The following DGKA variants were observed in gnomAD, a reference collection of about 807,000 sequenced individuals.
DGKA encodes the protein diacylglycerol kinase alpha.
In DGKA, 35 loss-of-function variants were observed where a neutral mutation model predicts 105.0. The observed-to-expected ratio is 0.33, with a 90% CI of 0.25 to 0.44. DGKA has a LOEUF of 0.44. Ranked by LOEUF, DGKA falls within the 20% of genes least tolerant of loss-of-function variation. The pLI, the probability that DGKA is intolerant of heterozygous loss-of-function variation, is 1.00. For synonymous variants in DGKA, 296 were observed against 332.0 expected (o/e 0.89, Z 1.18); for missense variants, 665 against 915.0 (o/e 0.73, Z 3.53).
At chr12:55,942,138 AACTC>A (rs1297032576) in intron 16 of DGKA, 32 bp from the exon 17 acceptor site, 2 of 1,613,878 alleles carry the variant, frequency 1.2e-6, no homozygotes, top group African/African-American at 2.7e-5. Context: ...TTGCAGAGCT[AACTC>A]ACTCCATCCT....
Position 55,939,501 on chromosome 12 carries a change from T to G in DGKA, c.681T>G (p.Gly227=). The change falls in exon 9 of 24, where the codon GGT becomes GGG. Residue 227 remains glycine (G), a synonymous_variant. Coordinates refer to ENST00000331886, the MANE Select transcript of DGKA (RefSeq NM_001345.5). ...GCAATCTGTGCGAGTCAAGCATTGG[T>G]CTTGGCAAACAGGGACTGAGCTGTA... ...VYCNLCESSI[G]LGKQGLSCNL... is the part of the protein sequence containing the mutation. The G allele has an allele frequency of 6.2e-7, 1 of 1,614,128 alleles. No homozygotes were observed. Among genetic ancestry groups the G allele is most frequent in the Non-Finnish European group, 8.5e-7 (1 of 1,180,024 alleles).
intron 1 of DGKA, chr12:55,935,420 A>T (rs1884429972): frequency 6.6e-6 from 1 of 152,196 alleles, no homozygotes; most frequent in Admixed American, 6.5e-5. Flanking sequence ...ATATGTTATT[A>T]TCATTACTGA....
upstream of DGKA, chr12:55,927,631 G>A (rs1449070754): frequency 3.4e-6 from 5 of 1,478,044 alleles, no homozygotes; most frequent in Non-Finnish European, 4.6e-6. Flanking sequence ...TGGGGAGGTC[G>A]AATTCGTGTG....
chr12:55,945,754 C>G (rs1169905934), intron 17 of DGKA, among the ~76,000 whole-genome samples: 1 of 152,034 alleles, frequency 6.6e-6, no homozygotes, highest in Admixed American at 6.6e-5. Context: ...ATTGGTACCA[C>G]CCAGATGATC....
intron 6 of DGKA, 130 bp from the exon 7 acceptor site, chr12:55,938,785 C>G: frequency 6.5e-7 from 1 of 1,540,508 alleles, no homozygotes; most frequent in Non-Finnish European, 8.8e-7. Flanking sequence ...CATTTATTTA[C>G]TTGGCAGACA....
intron 1 of DGKA, chr12:55,936,139 A>G: frequency 1.5e-6 from 1 of 669,438 alleles, no homozygotes. Flanking sequence ...TGGGAAGGTG[A>G]GGGTGGTCAG....
rs898917689 is a variant in DGKA at position 55,939,612 on chromosome 12, C to T, written c.709+83C>T. The T allele has an allele frequency of 4.3e-6, 6 of 1,386,948 alleles. No homozygotes were observed. The African/African-American group carries it at 7.1e-5, about 16-fold the overall frequency. 85.9% of individuals were successfully genotyped at this position (1,386,948 alleles called of 1,614,324 possible). On this transcript the variant is annotated intron_variant, in intron 9 of 23. Coordinates refer to ENST00000331886, the MANE Select transcript of DGKA (RefSeq NM_001345.5). ...CTTGATGCTGTAAACTTAGAAAAGA[C>T]CTAGGTTTGAATCCTGGGCTCTGCC...
At chr12:55,947,062 T>G (rs1014285782) in intron 17 of DGKA, among the ~76,000 whole-genome samples, 5 of 151,440 alleles carry the variant, frequency 3.3e-5, no homozygotes, top group African/African-American at 9.7e-5. Context: ...CTCGGCTCAT[T>G]GCAACCTCCA....
chr12:55,940,853 T>A lies in DGKA; in HGVS notation c.1018-44T>A. 1 of 1,605,820 alleles carries A rather than the reference T, an allele frequency of 6.2e-7. No homozygotes were observed. The highest frequency in any genetic ancestry group is 8.5e-7 in the Non-Finnish European group (1 of 1,172,842). ...TCAGACCCCTCTATTTAGGGATTCA[T>A]GCACAATACAGCTTTTCTTCCCTCT... On this transcript the variant is annotated intron_variant, in intron 12 of 23. Transcript: ENST00000331886. This position sits in a 1 kb window ranked among gnomAD's most constrained non-coding sequence, Gnocchi z 4.3.
In DGKA at chr12:55,953,732, C is replaced by T. The variant is rs772424828; in HGVS notation, c.2172C>T (p.Pro724=). The T allele has an allele frequency of 6.2e-7, 1 of 1,614,160 alleles. No individual in the cohort carries two copies. Among genetic ancestry groups the T allele is most frequent in the Admixed American group, 1.7e-5 (1 of 60,014 alleles). Residue 724 remains proline (P), a synonymous_variant, in exon 24 of 24, where the codon CCC becomes CCT. Transcript: ENST00000331886. ...KNQMPMLMGP[P]PRSTNFFGFL... The stretch of plus-strand genomic sequence containing the variant: ...AGATGCCCATGCTCATGGGCCCACC[C>T]CCCCGCTCCACCAATTTCTTTGGCT...
intron 1 of DGKA, among the ~76,000 whole-genome samples, chr12:55,934,622 G>A (rs1884290086): frequency 6.6e-6 from 1 of 152,342 alleles, no homozygotes; most frequent in South Asian, 2.1e-4. Context: ...AGCCCTAAAT[G>A]AGTGGGTGGA....
chr12:55,935,821 T>C (rs566444263), intron 1 of DGKA: 8 of 954,188 alleles, frequency 8.4e-6, no homozygotes, highest in Non-Finnish European at 8.7e-6. Flanking sequence ...CCAGAGCTGG[T>C]TCTGTGTCGC....
chr12:55,952,180 A>C lies in DGKA; in HGVS notation c.1652+81A>C. ...ACCAAGTTTGACTCAGATTGCTCAG[A>C]AGAACAGTGGCACCTCTAGGAGGTC... On this transcript the variant is annotated intron_variant, in intron 19 of 23. Transcript: ENST00000331886. This position sits in a 1 kb window ranked among gnomAD's most constrained non-coding sequence, Gnocchi z 5.1. 3 of 1,584,290 alleles carry C rather than the reference A, an allele frequency of 1.9e-6. No homozygotes were observed. The highest frequency in any genetic ancestry group is 1.7e-6 in the Non-Finnish European group (2 of 1,153,440).
Position 55,952,232 on chromosome 12 carries a change from C to T in DGKA, c.1653-109C>T. The T allele has an allele frequency of 3.4e-6, 5 of 1,492,004 alleles. No individual in the cohort carries two copies. The highest frequency in any genetic ancestry group is 1.1e-5 in the South Asian group (1 of 88,054). 92.4% of individuals were successfully genotyped at this position (1,492,004 alleles called of 1,614,324 possible). A position where few individuals can be genotyped will look rare whatever the true frequency, so the allele number is the denominator to read the frequency against. ...CCCCAACCAAAGCCACCCTTGTTCC[C>T]CATGGGACTAAAGTTAGGAGGTTGA... On this transcript the variant is annotated intron_variant, in intron 19 of 23. Transcript: ENST00000331886. The surrounding 1 kb of genome is among the most constrained non-coding windows in gnomAD (Gnocchi z 5.1).
intron 17 of DGKA, among the ~76,000 whole-genome samples, 172 bp from the exon 18 acceptor site, chr12:55,951,451 G>A (rs1239295909): frequency 2.0e-5 from 3 of 152,124 alleles, no homozygotes; most frequent in Non-Finnish European, 1.5e-5. Context: ...ACACAGCATG[G>A]AGGAAAGGTC....
Position 55,951,641 on chromosome 12 carries a change from T to C in DGKA, c.1445T>C (p.Leu482Pro). ...RWGGGYEGQNLAKILKDLEMS... is the reference protein window; with the variant it reads ...RWGGGYEGQNPAKILKDLEMS... ...CTCCTAGGTTATGAAGGACAGAATC[T>C]GGCAAAGATCCTCAAGGATTTAGAG... Residue 482 changes from leucine (L) to proline (P), a missense_variant, in exon 18 of 24, where the codon CTG becomes CCG. Physicochemically the swap from Leu to Pro is moderately conservative, Grantham distance 98 (BLOSUM62 -3). Transcript: ENST00000331886. 4 of 1,614,070 alleles carry C rather than the reference T, an allele frequency of 2.5e-6. No individual in the cohort carries two copies. The highest frequency in any genetic ancestry group is 3.4e-6 in the Non-Finnish European group (4 of 1,180,010).
chr12:55,951,897 G>T (rs547612917), intron 18 of DGKA, 114 bp downstream of exon 18: 7 of 1,509,140 alleles, frequency 4.6e-6, no homozygotes, highest in Middle Eastern at 3.8e-4. Context: ...AGGGAAATTG[G>T]GAGTGCAGTA....
At position 55,952,486 on chromosome 12, in the gene DGKA, T is replaced by G; in HGVS notation, c.1743+55T>G. 1 of 1,552,506 alleles carries G rather than the reference T, an allele frequency of 6.4e-7. No individual in the cohort carries two copies. The highest frequency in any genetic ancestry group is 8.9e-7 in the Non-Finnish European group (1 of 1,124,054). On this transcript the variant is annotated intron_variant, in intron 20 of 23. Transcript: ENST00000331886. The surrounding 1 kb of genome is among the most constrained non-coding windows in gnomAD (Gnocchi z 5.1). Reference sequence around the variant, plus strand: ...CTTTTCAGCTTCTTAATAGCCAAGTTTCTCCCTCCATGGCACCCTTAGGAA... The same window carrying G: ...CTTTTCAGCTTCTTAATAGCCAAGTGTCTCCCTCCATGGCACCCTTAGGAA...
In DGKA at chr12:55,940,195, C is replaced by G. The variant is rs768631386; in HGVS notation, c.798+25C>G. On this transcript the variant is annotated intron_variant, in intron 10 of 23. Coordinates refer to ENST00000331886, the MANE Select transcript of DGKA (RefSeq NM_001345.5). The surrounding 1 kb of genome is among the most constrained non-coding windows in gnomAD (Gnocchi z 4.3). ...TGTGAGTGATCTCATGCCTCCACCC[C>G]CAACATCACCTACATCCTGGCCCTG... 1.2e-6 allele frequency: 2 copies of G among 1,613,792 alleles called. No homozygotes were observed. The highest frequency in any genetic ancestry group is 1.1e-5 in the South Asian group (1 of 91,074).
Sources: allele counts gnomAD v4.1 joint callset (sites outside exome capture counted in the v4.1 genomes callset), GRCh38; gene constraint gnomAD v4.1.1; non-coding constraint Gnocchi (gnomAD v3.1); transcripts MANE v1.5; gene names NCBI Gene and HGNC (gene_info 2026-07-23, HGNC 2026-07-21).